RPS6KA2: variants seen among roughly 807,000 people sequenced by gnomAD.
RPS6KA2 encodes the protein ribosomal protein S6 kinase A2, also known as ribosomal protein S6 kinase alpha-2.
Under a neutral mutation model 91.8 loss-of-function variants are expected in RPS6KA2, and 42 were observed. The observed-to-expected ratio is 0.46, with a 90% CI of 0.36 to 0.59. The LOEUF (loss-of-function observed/expected upper bound fraction) is 0.59, where lower values mean the gene tolerates loss of function less well. RPS6KA2 is among the 20% of genes least tolerant of loss of function. RPS6KA2 has a pLI of 0.00. For missense variants in RPS6KA2, 798 were observed against 978.5 expected (o/e 0.82, Z 2.46); for synonymous variants, 414 against 393.6 (o/e 1.05, Z -0.61).
At chr6:166,523,575 TATAATA>T (rs1055958356) in intron 3 of RPS6KA2, among the ~76,000 whole-genome samples, 4 of 152,020 alleles carry the variant, frequency 2.6e-5, no homozygotes, top group African/African-American at 7.2e-5. Context: ...TTTATAAAAA[TATAATA>T]ATAATAATAA....
In RPS6KA2 at chr6:166,603,410, G is replaced by A. The variant is rs112230062; in HGVS notation, c.99+23511C>T. On this transcript the variant is annotated intron_variant, in intron 1 of 20. Coordinates refer to ENST00000265678, the MANE Select transcript of RPS6KA2 (RefSeq NM_021135.6). The surrounding 1 kb of genome is among the most constrained non-coding windows in gnomAD (Gnocchi z 4.3). ...GCAGAGCTCTGGGAGGCCGAGTGGT[G>A]ACTTCCTCCAGTCCAGCATCCACCA... 0.014 allele frequency among the ~76,000 whole-genome samples: 2,185 copies of A among 152,298 alleles called. 19 individuals carry two copies. The highest frequency in any genetic ancestry group is 0.024 in the Non-Finnish European group (1,606 of 68,018).
At chr6:166,686,270 G>A (rs1049517204) in intron 2 of RPS6KA2, among the ~76,000 whole-genome samples, 2 of 152,194 alleles carry the variant, frequency 1.3e-5, no homozygotes, top group African/African-American at 4.8e-5. Flanking sequence ...CTGGGAACAA[G>A]GATGTGTGGA....
At chr6:166,413,106 C>G (rs968849385) in intron 20 of RPS6KA2, among the ~76,000 whole-genome samples, 1 of 152,090 alleles carries the variant, frequency 6.6e-6, no homozygotes. Context: ...CCTGCCCCCC[C>G]CACCCCATGC....
At chr6:166,792,586 A>G (rs1779120225) in intron 2 of RPS6KA2, among the ~76,000 whole-genome samples, 1 of 152,200 alleles carries the variant, frequency 6.6e-6, no homozygotes, top group Non-Finnish European at 1.5e-5. Context: ...CCTGATGAAC[A>G]TCGATGCAAA....
rs3778374 is a variant in RPS6KA2, at chr6:166,617,855, A to G, written c.99+9066T>C. On this transcript the variant is annotated intron_variant, in intron 1 of 20. Transcript: ENST00000265678. ...TGGCTGCCGAGCAAACGCCAAGTCC[A>G]GCCTGCGGCACCTTCCTTCTGCACA... is the stretch of plus-strand genomic sequence containing the variant. Among the ~76,000 whole-genome samples the G allele has an allele frequency of 3.4e-3, 524 of 152,384 alleles. 17 individuals are homozygous for G. In the East Asian group the frequency reaches 0.071, roughly 21 times the overall value.
At chr6:166,797,751 T>C (rs1407198468) in intron 2 of RPS6KA2, among the ~76,000 whole-genome samples, 1 of 152,018 alleles carries the variant, frequency 6.6e-6, no homozygotes, top group African/African-American at 2.4e-5. Context: ...TTCAAACCTG[T>C]GTTGTTCAAG....
At chr6:166,521,742 G>A (rs1380989159) in intron 3 of RPS6KA2, among the ~76,000 whole-genome samples, 1 of 152,218 alleles carries the variant, frequency 6.6e-6, no homozygotes, top group African/African-American at 2.4e-5. Flanking sequence ...TTGAGTTGAT[G>A]TGGGAATGAA....
In RPS6KA2 at chr6:166,533,635, G is replaced by C. The variant is rs539065867; in HGVS notation, c.217-2322C>G. 6.6e-6 allele frequency among the ~76,000 whole-genome samples: 1 copy of C among 152,190 alleles called. No individual in the cohort carries two copies. Among genetic ancestry groups the C allele is most frequent in the African/African-American group, 2.4e-5 (1 of 41,440 alleles). On this transcript the variant is annotated intron_variant, in intron 2 of 20. Transcript: ENST00000265678. This position sits in a 1 kb window ranked among gnomAD's most constrained non-coding sequence, Gnocchi z 4.0. ...GAGGACACCTGGTGCAGGACAAACC[G>C]GGCAGCCTGGTCACTGAGTCACTGT...
At chr6:166,589,121 CAGG>C (rs1438856349) in intron 1 of RPS6KA2, among the ~76,000 whole-genome samples, 1 of 152,166 alleles carries the variant, frequency 6.6e-6, no homozygotes, top group Non-Finnish European at 1.5e-5. Flanking sequence ...AAAAGAGCCC[CAGG>C]CTTTCTGGAA....
intron 2 of RPS6KA2, among the ~76,000 whole-genome samples, chr6:166,839,680 C>CAGGGGAGGGGAGGGGAGGGGAGGGG (rs1562465693): frequency 2.8e-3 from 2 of 708 alleles, no homozygotes; most frequent in Non-Finnish European, 5.7e-3. Flanking sequence ...GAAATCAGAG[C>CAGGGGAGGGGAGGGGAGGGGAGGGG]AGGAGAGGAG....
At chr6:166,735,260 A>G (rs1192707549) in intron 2 of RPS6KA2, among the ~76,000 whole-genome samples, 1 of 152,240 alleles carries the variant, frequency 6.6e-6, no homozygotes, top group Non-Finnish European at 1.5e-5. Context: ...GCAAAAGCAA[A>G]CAACGTGACA....
At chr6:166,755,896 G>T (rs773168373) in intron 2 of RPS6KA2, among the ~76,000 whole-genome samples, 1 of 152,166 alleles carries the variant, frequency 6.6e-6, no homozygotes, top group Non-Finnish European at 1.5e-5. Context: ...TGCTTGTCAC[G>T]TGTGGATAAG....
At chr6:166,549,826 C>T (rs1783942223) in intron 1 of RPS6KA2, among the ~76,000 whole-genome samples, 1 of 152,172 alleles carries the variant, frequency 6.6e-6, no homozygotes, top group African/African-American at 2.4e-5. Context: ...CGAATAAGGT[C>T]TGTTGATTGT....
At chr6:166,780,926 G>A (rs1778751475) in intron 2 of RPS6KA2, among the ~76,000 whole-genome samples, 1 of 152,172 alleles carries the variant, frequency 6.6e-6, no homozygotes, top group Non-Finnish European at 1.5e-5. Flanking sequence ...GCAGAGCCAC[G>A]CTGCAATCAA....
chr6:166,630,537 C>G (rs1787044402), upstream of RPS6KA2, among the ~76,000 whole-genome samples: 1 of 152,252 alleles, frequency 6.6e-6, no homozygotes. Flanking sequence ...TCACCAGGAT[C>G]ACCAGGGTCA....
chr6:166,745,055 C>T (rs1421738645), intron 2 of RPS6KA2, among the ~76,000 whole-genome samples: 1 of 151,558 alleles, frequency 6.6e-6, no homozygotes, highest in Non-Finnish European at 1.5e-5. Context: ...GGGTTGGCTT[C>T]TAGGGGGACC....
intron 2 of RPS6KA2, among the ~76,000 whole-genome samples, chr6:166,647,325 G>A (rs1337444749): frequency 6.6e-6 from 1 of 152,012 alleles, no homozygotes; most frequent in Non-Finnish European, 1.5e-5. Context: ...CCACACGCCC[G>A]CCTCGTCCCC....
At chr6:166,432,302 G>A in intron 15 of RPS6KA2, 99 bp downstream of exon 15, 1 of 764,524 alleles carries the variant, frequency 1.3e-6, no homozygotes, top group South Asian at 1.7e-5. Flanking sequence ...GCTGAGACAG[G>A]CATGAGATGT....
At chr6:166,713,263 C>T (rs1789918932) in intron 2 of RPS6KA2, among the ~76,000 whole-genome samples, 1 of 152,178 alleles carries the variant, frequency 6.6e-6, no homozygotes, top group Non-Finnish European at 1.5e-5. Context: ...AGAAGACTGG[C>T]GCCAGGCCCA....
Sources: allele counts gnomAD v4.1 joint callset (sites outside exome capture counted in the v4.1 genomes callset), GRCh38; gene constraint gnomAD v4.1.1; non-coding constraint Gnocchi (gnomAD v3.1); transcripts MANE v1.5; gene names NCBI Gene and HGNC (gene_info 2026-07-23, HGNC 2026-07-21).